TANC2: variants seen among roughly 807,000 people sequenced by gnomAD.
TANC2 encodes the protein tetratricopeptide repeat, ankyrin repeat and coiled-coil containing 2, also known as protein TANC2.
Under a neutral mutation model 210.5 loss-of-function variants are expected in TANC2, and 26 were observed. The ratio of observed to expected loss-of-function variants is 0.12; its 90% confidence interval spans 0.09 to 0.17. The LOEUF is 0.17. Ranked by LOEUF, TANC2 falls within the 10% of genes least tolerant of loss-of-function variation. The pLI is 1.00. For synonymous variants in TANC2, 931 were observed against 967.1 expected, an observed-to-expected ratio of 0.96 and a Z score of 0.69; for missense variants, 2,129 against 2,608.9, an observed-to-expected ratio of 0.82 and a Z score of 4.01.
chr17:63,013,709 C>G (rs998915940), intron 2 of TANC2, among the ~76,000 whole-genome samples: 1 of 147,642 alleles, frequency 6.8e-6, no homozygotes, highest in African/African-American at 2.5e-5. Context: ...TTGCAATAAG[C>G]CAAGATTACA....
chr17:63,334,241 C>G (rs957806760), intron 11 of TANC2: 2 of 152,104 alleles, frequency 1.3e-5, no homozygotes, highest in Non-Finnish European at 2.9e-5. Flanking sequence ...AGTAGATGAT[C>G]CCAGAGGCAG....
chr17:63,335,600 G>A (rs1319446334), intron 11 of TANC2, among the ~76,000 whole-genome samples: 5 of 147,602 alleles, frequency 3.4e-5, no homozygotes, highest in Non-Finnish European at 6.0e-5. Flanking sequence ...GCAACAGTGC[G>A]AGACTCTTTC....
At chr17:63,181,686 C>T (rs989784833) in intron 5 of TANC2, among the ~76,000 whole-genome samples, 4 of 152,302 alleles carry the variant, frequency 2.6e-5, no homozygotes, top group South Asian at 4.1e-4. Context: ...TATTGCCTCT[C>T]GGAATGATTG....
intron 2 of TANC2, 53 bp from the exon 3 acceptor site, chr17:63,073,890 T>A: frequency 7.1e-7 from 1 of 1,406,208 alleles, no homozygotes; most frequent in Non-Finnish European, 9.8e-7. Flanking sequence ...TCAGAGACAC[T>A]GTTATGTCAA....
intron 2 of TANC2, among the ~76,000 whole-genome samples, chr17:63,035,145 C>A (rs2034919517): frequency 6.6e-6 from 1 of 152,102 alleles, no homozygotes; most frequent in East Asian, 1.9e-4. Flanking sequence ...TCAGAAACTA[C>A]CCCCCGATCA....
At chr17:63,322,899 A>G (rs184707475) in intron 11 of TANC2, among the ~76,000 whole-genome samples, 4 of 152,370 alleles carry the variant, frequency 2.6e-5, no homozygotes, top group Admixed American at 2.0e-4. Context: ...AGGCATGATT[A>G]CATGTTAAAT....
chr17:63,054,548 T>TA (rs1228173542), intron 2 of TANC2, among the ~76,000 whole-genome samples: 1 of 145,840 alleles, frequency 6.9e-6, no homozygotes, highest in African/African-American at 2.5e-5. Context: ...ATTTTTGTAT[T>TA]TTTTTTTTTT....
chr17:63,000,795 C>G (rs940195084), intron 1 of TANC2, among the ~76,000 whole-genome samples: 4 of 152,074 alleles, frequency 2.6e-5, no homozygotes, highest in Non-Finnish European at 5.9e-5. Context: ...AAACTGCCTT[C>G]TCCCACTTAG....
chr17:63,057,159 G>A (rs1453528372), intron 2 of TANC2, among the ~76,000 whole-genome samples: 1 of 152,008 alleles, frequency 6.6e-6, no homozygotes, highest in African/African-American at 2.4e-5. Context: ...AACAGAGAAT[G>A]CAATGCATAT....
At chr17:63,126,321 C>T (rs1038695213) in intron 4 of TANC2, among the ~76,000 whole-genome samples, 1 of 152,186 alleles carries the variant, frequency 6.6e-6, no homozygotes, top group Admixed American at 6.6e-5. Flanking sequence ...AGCTTGAATG[C>T]CTTCGGCTAA....
chr17:63,024,181 A>G (rs1273317480), intron 2 of TANC2, among the ~76,000 whole-genome samples: 1 of 152,148 alleles, frequency 6.6e-6, no homozygotes, highest in Non-Finnish European at 1.5e-5. Flanking sequence ...TGCAAGAAAT[A>G]ATTCGGGGCT....
chr17:62,985,303 G>T (rs1195579118), intron 1 of TANC2, among the ~76,000 whole-genome samples: 1 of 151,730 alleles, frequency 6.6e-6, no homozygotes, highest in Non-Finnish European at 1.5e-5. Flanking sequence ...CTTGTTTTTA[G>T]AATTCTTTTT....
Position 63,147,666 on chromosome 17 carries a change from C to T in TANC2, c.323-3604C>T, listed in dbSNP as rs145100510. Among the ~76,000 whole-genome samples, 783 of 152,194 alleles carry T rather than the reference C, an allele frequency of 5.1e-3. 4 individuals carry two copies. The highest frequency in any genetic ancestry group is 8.5e-3 in the Non-Finnish European group (581 of 67,994). On this transcript the variant is annotated intron_variant, in intron 4 of 27. Transcript: ENST00000689528. ...TCCCAGGTGATATTATACTGCTGGT[C>T]CAGGCACCACATTTTGTGAACCCAT...
chr17:63,412,198 C>T lies in TANC2; in HGVS notation c.3898+68C>T. ...CCAGACTGGTCCAGTGGTCTGGCTG[C>T]CCTGGGTATTTGGTGTGAGTGTATA... On this transcript the variant is annotated intron_variant, in intron 23 of 27. Coordinates refer to ENST00000689528, the Ensembl canonical transcript of TANC2. The surrounding 1 kb of genome is among the most constrained non-coding windows in gnomAD (Gnocchi z 4.2). 6.2e-7 allele frequency: 1 copy of T among 1,606,558 alleles called. No individual in the cohort carries two copies. Among genetic ancestry groups the T allele is most frequent in the Non-Finnish European group, 8.5e-7 (1 of 1,175,382 alleles).
chr17:63,117,181 C>T (rs1190877119), intron 4 of TANC2: 1 of 152,202 alleles, frequency 6.6e-6, no homozygotes, highest in South Asian at 2.1e-4. Flanking sequence ...CACTGCTAGC[C>T]TTCCTTGTTA....
At chr17:63,194,519 C>T (rs1024372508) in intron 6 of TANC2, among the ~76,000 whole-genome samples, 2 of 152,168 alleles carry the variant, frequency 1.3e-5, no homozygotes, top group Non-Finnish European at 2.9e-5. Flanking sequence ...GTTACTGTGA[C>T]CACAGTGGAA....
chr17:63,328,239 T>A (rs1425948818), intron 11 of TANC2, among the ~76,000 whole-genome samples: 1 of 152,166 alleles, frequency 6.6e-6, no homozygotes, highest in Non-Finnish European at 1.5e-5. Flanking sequence ...GGTACTATGC[T>A]CACTGTGGGT....
At chr17:63,370,916 A>T (rs971578522) in intron 14 of TANC2, among the ~76,000 whole-genome samples, 2 of 152,200 alleles carry the variant, frequency 1.3e-5, no homozygotes, top group African/African-American at 4.8e-5. Flanking sequence ...CTGGCAAGGA[A>T]GCCACTTGCC....
intron 8 of TANC2, among the ~76,000 whole-genome samples, chr17:63,242,042 CTT>C (rs1274809031): frequency 1.3e-5 from 2 of 152,134 alleles, no homozygotes; most frequent in African/African-American, 4.8e-5. Flanking sequence ...CATTTCCAAA[CTT>C]AGGAATTTTC....
Sources: allele counts gnomAD v4.1 joint callset (sites outside exome capture counted in the v4.1 genomes callset), GRCh38; gene constraint gnomAD v4.1.1; non-coding constraint Gnocchi (gnomAD v3.1); transcripts MANE v1.5; gene names NCBI Gene and HGNC (gene_info 2026-07-23, HGNC 2026-07-21).